Variants in FABP12 observed in about 807,000 individuals in gnomAD.
FABP12 encodes fatty acid-binding protein 12.
FABP12 carries 19 observed loss-of-function variants against 13.7 expected under a neutral mutation model. That is an observed-to-expected ratio of 1.39 (90% CI 0.97 to 2.04). The LOEUF (loss-of-function observed/expected upper bound fraction) is 2.04, where lower values mean the gene tolerates loss of function less well. Ranked by LOEUF, FABP12 falls within the 30% of genes most tolerant of loss-of-function variation. The pLI, the probability that FABP12 is intolerant of heterozygous loss-of-function variation, is 0.00. For synonymous variants in FABP12, 61 were observed against 57.0 expected (o/e 1.07, Z -0.32); for missense variants, 182 against 164.2 (o/e 1.11, Z -0.59).
exon 3 of FABP12, chr8:81,529,500 C>T (rs1809003699): frequency 1.2e-6 from 2 of 1,613,930 alleles, no homozygotes; most frequent in Non-Finnish European, 1.7e-6. Context: ...AAGGAGATCT[C>T]ATTATTTTTA....
chr8:81,560,686 T>C (rs1049547270), intron 1 of FABP12, among the ~76,000 whole-genome samples: 1 of 152,212 alleles, frequency 6.6e-6, no homozygotes, highest in African/African-American at 2.4e-5. Context: ...GAGTCATCAT[T>C]ACCTCATTTA....
At chr8:81,580,157 C>G (rs540225789) in intron 1 of FABP12, among the ~76,000 whole-genome samples, 1 of 152,306 alleles carries the variant, frequency 6.6e-6, no homozygotes, top group South Asian at 2.1e-4. Context: ...TATACCCCTG[C>G]CAGGCCACCT....
chr8:81,572,640 T>A (rs1234622546), intron 1 of FABP12, among the ~76,000 whole-genome samples: 2 of 152,218 alleles, frequency 1.3e-5, no homozygotes, highest in African/African-American at 4.8e-5. Context: ...TTTTTGATTA[T>A]GGCCATTATT....
chr8:81,543,691 G>A (rs974766829), intron 1 of FABP12, among the ~76,000 whole-genome samples: 5 of 152,196 alleles, frequency 3.3e-5, no homozygotes, highest in African/African-American at 1.2e-4. Flanking sequence ...CTTAGATGGT[G>A]AGGTTAGGAG....
intron 1 of FABP12, among the ~76,000 whole-genome samples, chr8:81,540,191 C>T (rs1243444777): frequency 1.3e-5 from 2 of 152,212 alleles, no homozygotes; most frequent in Non-Finnish European, 2.9e-5. Context: ...ACATTCTTGG[C>T]CCCAGCCCCA....
At chr8:81,574,507 G>A (rs1034513153) in intron 1 of FABP12, among the ~76,000 whole-genome samples, 2 of 152,078 alleles carry the variant, frequency 1.3e-5, no homozygotes, top group African/African-American at 4.8e-5. Context: ...CTGTCTTGTA[G>A]AATAGTGTCA....
chr8:81,569,971 T>G (rs945530328), intron 1 of FABP12, among the ~76,000 whole-genome samples: 1 of 152,218 alleles, frequency 6.6e-6, no homozygotes, highest in Non-Finnish European at 1.5e-5. Flanking sequence ...GTCTCCAAGA[T>G]AGACTGGAGT....
chr8:81,558,818 AG>A (rs2130036804), intron 1 of FABP12, among the ~76,000 whole-genome samples: 1 of 143,132 alleles, frequency 7.0e-6, no homozygotes, highest in South Asian at 2.3e-4. Flanking sequence ...TGAACCCGGG[AG>A]GCAGCAGTTG....
upstream of FABP12, among the ~76,000 whole-genome samples, chr8:81,537,934 C>T (rs576194324): frequency 6.6e-6 from 1 of 152,190 alleles, no homozygotes; most frequent in Non-Finnish European, 1.5e-5. Context: ...AAAGGAATAC[C>T]TGAGACTGGT....
intron 1 of FABP12, among the ~76,000 whole-genome samples, chr8:81,569,690 T>G (rs546035436): frequency 6.6e-6 from 1 of 152,238 alleles, no homozygotes; most frequent in East Asian, 1.9e-4. Context: ...AGGGCCCAAT[T>G]TATTCCAAAA....
At chr8:81,578,391 T>C (rs1377267047) in intron 1 of FABP12, among the ~76,000 whole-genome samples, 1 of 152,094 alleles carries the variant, frequency 6.6e-6, no homozygotes, top group Non-Finnish European at 1.5e-5. Flanking sequence ...TGCAGGCTTA[T>C]GGGAAATAAT....
At chr8:81,571,844 A>C (rs557363742) in intron 1 of FABP12, among the ~76,000 whole-genome samples, 4 of 152,374 alleles carry the variant, frequency 2.6e-5, no homozygotes, top group African/African-American at 7.2e-5. Context: ...AAATAACCCA[A>C]ATTGAAACTT....
chr8:81,570,739 A>G (rs574186432), intron 1 of FABP12, among the ~76,000 whole-genome samples: 2 of 152,086 alleles, frequency 1.3e-5, no homozygotes, highest in African/African-American at 4.8e-5. Context: ...TCGTCCTGTC[A>G]TCTCTCAGTC....
intron 1 of FABP12, chr8:81,533,102 T>C (rs1809122261): frequency 1.3e-5 from 2 of 152,212 alleles, no homozygotes; most frequent in African/African-American, 4.8e-5. Flanking sequence ...GATGTCGTAT[T>C]GGGAGCGGTG....
intron 1 of FABP12, among the ~76,000 whole-genome samples, chr8:81,551,866 G>T (rs141598024): frequency 2.8e-4 from 43 of 152,096 alleles, no homozygotes; most frequent in African/African-American, 1.0e-3. Context: ...TGCTCCAAGT[G>T]TTCATCTCAT....
At chr8:81,558,044 A>G (rs576050359) in intron 1 of FABP12, among the ~76,000 whole-genome samples, 3 of 152,248 alleles carry the variant, frequency 2.0e-5, no homozygotes, top group Admixed American at 6.5e-5. Flanking sequence ...AGCACAGCAG[A>G]GCCAGATTGC....
chr8:81,583,809 G>A (rs1277363612), intron 1 of FABP12, among the ~76,000 whole-genome samples: 4 of 152,108 alleles, frequency 2.6e-5, no homozygotes, highest in African/African-American at 4.8e-5. Context: ...TTCCAAAATT[G>A]AAGAGGAGGG....
chr8:81,529,594 G>A, exon 3 of FABP12: 1 of 1,613,558 alleles, frequency 6.2e-7, no homozygotes, highest in Admixed American at 1.7e-5. Flanking sequence ...CCAGTTTCCT[G>A]CTGGCTCTTC....
At chr8:81,541,296 G>A (rs757734464) in intron 1 of FABP12, among the ~76,000 whole-genome samples, 45 of 152,048 alleles carry the variant, frequency 3.0e-4, no homozygotes, top group Non-Finnish European at 6.0e-4. Context: ...CAGATTTACT[G>A]AATCAAAAAC....
Sources: allele counts gnomAD v4.1 joint callset (sites outside exome capture counted in the v4.1 genomes callset), GRCh38; gene constraint gnomAD v4.1.1; transcripts MANE v1.5; gene names NCBI Gene and HGNC (gene_info 2026-07-23, HGNC 2026-07-21).